The following ABR variants were observed in gnomAD, a reference collection of about 807,000 sequenced individuals.
ABR encodes the protein ABR activator of RhoGEF and GTPase.
In ABR, 35 loss-of-function variants were observed where a neutral mutation model predicts 107.2. That is an observed-to-expected ratio of 0.33 (90% CI 0.25 to 0.43). The LOEUF (loss-of-function observed/expected upper bound fraction) is 0.43. Ranked by LOEUF, ABR falls within the 20% of genes least tolerant of loss-of-function variation. The pLI is 1.00. For missense variants in ABR, 815 were observed against 1,115.2 expected (o/e 0.73, Z 3.83); for synonymous variants, 498 against 462.0 (o/e 1.08, Z -1.00).
chr17:1,206,977 C>T (rs753608794), intron 1 of ABR, among the ~76,000 whole-genome samples: 11 of 152,008 alleles, frequency 7.2e-5, no homozygotes, highest in South Asian at 2.1e-4. Flanking sequence ...CCCAGCTACT[C>T]GGGAGCTGAG....
chr17:1,150,795 G>A lies in ABR; in HGVS notation c.62-25428C>T, dbSNP rs1013458834. ...GAGGAGCATCACGCACACAGACGCCGGACTCCCTAGGTTCTGCAAACCCAG... is the reference window on the plus strand; with the variant it reads ...GAGGAGCATCACGCACACAGACGCCAGACTCCCTAGGTTCTGCAAACCCAG... On this transcript the variant is annotated intron_variant, in intron 1 of 22. Transcript: ENST00000302538. The surrounding 1 kb of genome is among the most constrained non-coding windows in gnomAD (Gnocchi z 4.8). 3.3e-5 allele frequency among the ~76,000 whole-genome samples: 5 copies of A among 152,218 alleles called. No individual in the cohort carries two copies. Among genetic ancestry groups the A allele is most frequent in the Admixed American group, 6.5e-5 (1 of 15,288 alleles).
chr17:1,145,508 G>A (rs1237540100), intron 1 of ABR, among the ~76,000 whole-genome samples: 2 of 152,254 alleles, frequency 1.3e-5, no homozygotes, highest in South Asian at 2.1e-4. Flanking sequence ...GCCAGGAGGC[G>A]ATGACCTGGG....
upstream of ABR, among the ~76,000 whole-genome samples, chr17:1,191,360 T>C (rs1386432249): frequency 1.6e-4 from 22 of 139,960 alleles, no homozygotes; most frequent in East Asian, 8.0e-4. Flanking sequence ...TTTTCTTTTT[T>C]TTTTTTTTTT....
intron 2 of ABR, among the ~76,000 whole-genome samples, chr17:1,107,728 G>C (rs1340114212): frequency 6.6e-6 from 1 of 152,170 alleles, no homozygotes; most frequent in Non-Finnish European, 1.5e-5. Context: ...AGCCCACGGG[G>C]AGACGTGACT....
intron 1 of ABR, among the ~76,000 whole-genome samples, chr17:1,186,429 C>T (rs894098605): frequency 6.6e-6 from 1 of 152,186 alleles, no homozygotes; most frequent in Non-Finnish European, 1.5e-5. Context: ...TGGACCTGCT[C>T]CCCGGGGAGC....
At chr17:1,105,367 G>C (rs1283751233) in intron 2 of ABR, among the ~76,000 whole-genome samples, 4 of 152,040 alleles carry the variant, frequency 2.6e-5, no homozygotes, top group African/African-American at 4.8e-5. Flanking sequence ...AAAATGTACA[G>C]GTCATATTTT....
At chr17:1,022,279 T>C (rs1342050359) in intron 16 of ABR, among the ~76,000 whole-genome samples, 1 of 152,014 alleles carries the variant, frequency 6.6e-6, no homozygotes, top group Non-Finnish European at 1.5e-5. Context: ...GTGGGCACGT[T>C]TCCTGGGGCT....
In ABR at chr17:1,117,721, T is replaced by C. The variant is rs1459366840; in HGVS notation, c.246+7462A>G. Reference sequence around the variant, plus strand: ...TCCTCCCCAGCGTTATCCCTGAGCCTGAGTTCTCCCCAGCGTTAACCCTGA... The same window carrying C: ...TCCTCCCCAGCGTTATCCCTGAGCCCGAGTTCTCCCCAGCGTTAACCCTGA... On this transcript the variant is annotated intron_variant, in intron 2 of 22. Coordinates refer to ENST00000302538, the MANE Select transcript of ABR (RefSeq NM_021962.5). Among the ~76,000 whole-genome samples, 8 of 74,114 alleles carry C rather than the reference T, an allele frequency of 1.1e-4. No individual in the cohort carries two copies. The East Asian group carries it at 1.2e-3, about 11-fold the overall frequency. 48.6% of individuals were successfully genotyped at this position (74,114 alleles called of 152,430 possible).
At chr17:1,176,017 G>A (rs1252959670) in intron 1 of ABR, among the ~76,000 whole-genome samples, 1 of 152,154 alleles carries the variant, frequency 6.6e-6, no homozygotes, top group Admixed American at 6.5e-5. Context: ...CGTGAACCTG[G>A]GAGGTGGAGC....
intron 1 of ABR, among the ~76,000 whole-genome samples, chr17:1,137,574 G>T (rs2040127455): frequency 6.6e-6 from 1 of 152,174 alleles, no homozygotes; most frequent in Non-Finnish European, 1.5e-5. Context: ...CAATGACAAT[G>T]CTAACATGGA....
intron 7 of ABR, 23 bp downstream of exon 7, chr17:1,073,602 C>G: frequency 6.5e-7 from 1 of 1,550,244 alleles, no homozygotes; most frequent in Non-Finnish European, 8.8e-7. Flanking sequence ...CCCTCTCTGG[C>G]CATTCGGAGG....
chr17:1,028,237 C>T lies in ABR; in HGVS notation c.1792-15073G>A, dbSNP rs571304330. Among the ~76,000 whole-genome samples the T allele has an allele frequency of 8.6e-3, 1,300 of 151,748 alleles. 17 individuals are homozygous for T. Among genetic ancestry groups the T allele is most frequent in the African/African-American group, 0.029 (1,217 of 41,404 alleles). On this transcript the variant is annotated intron_variant, in intron 16 of 22. Coordinates refer to ENST00000302538, the MANE Select transcript of ABR (RefSeq NM_021962.5). Reference sequence around the variant, plus strand: ...TCCCTAGCAGCTGGGATTACAGGTGCCCGCCACCATGCCCGGCTATTTTTT... The same window carrying T: ...TCCCTAGCAGCTGGGATTACAGGTGTCCGCCACCATGCCCGGCTATTTTTT...
rs927769023 is a variant in ABR at position 1,070,569 on chromosome 17, G to A, written c.895-479C>T. On this transcript the variant is annotated intron_variant, in intron 8 of 22. Coordinates refer to ENST00000302538, the MANE Select transcript of ABR (RefSeq NM_021962.5). This position sits in a 1 kb window ranked among gnomAD's most constrained non-coding sequence, Gnocchi z 4.2. ...AACTTCATCTAGCCCCGGCTCAACCGAGACCCGAGACCCGAGACCCACTCA... is the reference window on the plus strand; with the variant it reads ...AACTTCATCTAGCCCCGGCTCAACCAAGACCCGAGACCCGAGACCCACTCA... Among the ~76,000 whole-genome samples, 6 of 151,976 alleles carry A rather than the reference G, an allele frequency of 3.9e-5. No homozygotes were observed. The highest frequency in any genetic ancestry group is 1.3e-4 in the Admixed American group (2 of 15,254).
chr17:1,008,113 A>G (rs1004289039), intron 21 of ABR, among the ~76,000 whole-genome samples: 1 of 152,048 alleles, frequency 6.6e-6, no homozygotes, highest in African/African-American at 2.4e-5. Context: ...GGGACCCAGG[A>G]TTGTCCTCCC....
At chr17:1,090,158 G>A (rs1158889985) in intron 4 of ABR, among the ~76,000 whole-genome samples, 2 of 152,196 alleles carry the variant, frequency 1.3e-5, no homozygotes, top group South Asian at 2.1e-4. Flanking sequence ...TCAGGCACAC[G>A]GGGCCTCAAG....
chr17:1,210,668 T>C lies in ABR; in HGVS notation c.838+18125A>G, dbSNP rs2150739085. ...AAATCACTTTGGGCTGTTTCCTCTC[T>C]CTCTGCTTCCTGGCTCCTAACACAA... On this transcript the variant is annotated intron_variant, in intron 1 of 22. Coordinates refer to the ABR transcript ENST00000574139. This position sits in a 1 kb window ranked among gnomAD's most constrained non-coding sequence, Gnocchi z 5.6. Among the ~76,000 whole-genome samples, 1 of 152,324 alleles carries C rather than the reference T, an allele frequency of 6.6e-6. No individual in the cohort carries two copies. The highest frequency in any genetic ancestry group is 3.4e-3 in the Middle Eastern group (1 of 294).
chr17:1,007,457 C>T (rs2070144096), intron 21 of ABR, 145 bp from the exon 22 acceptor site: 2 of 981,260 alleles, frequency 2.0e-6, no homozygotes, highest in African/African-American at 3.3e-5. Flanking sequence ...GGGGACCTCC[C>T]CCGGGGGAAG....
chr17:1,057,344 GT>G (rs1567668942), intron 12 of ABR, among the ~76,000 whole-genome samples: 1 of 101,676 alleles, frequency 9.8e-6, no homozygotes, highest in African/African-American at 3.3e-5. Context: ...GTGTGTGTGT[GT>G]GTGTGTGTGT....
intron 1 of ABR, among the ~76,000 whole-genome samples, chr17:1,199,201 T>TC (rs2042626877): frequency 6.7e-6 from 1 of 150,338 alleles, no homozygotes; most frequent in Non-Finnish European, 1.5e-5. Flanking sequence ...AAACAAAACC[T>TC]CTCTCTGGCT....
Sources: allele counts gnomAD v4.1 joint callset (sites outside exome capture counted in the v4.1 genomes callset), GRCh38; gene constraint gnomAD v4.1.1; non-coding constraint Gnocchi (gnomAD v3.1); transcripts MANE v1.5; gene names NCBI Gene and HGNC (gene_info 2026-07-23, HGNC 2026-07-21).